Variants in LRBA observed in about 807,000 individuals in gnomAD.
LRBA encodes lipopolysaccharide-responsive and beige-like anchor protein.
LRBA carries 176 observed loss-of-function variants against 330.0 expected under a neutral mutation model. The observed-to-expected ratio is 0.53, with a 90% CI of 0.47 to 0.60. The LOEUF is 0.60. Ranked by LOEUF, LRBA falls within the 20% of genes least tolerant of loss-of-function variation. The pLI is 0.00. For missense variants in LRBA, 3,259 were observed against 3,444.8 expected (o/e 0.95, Z 1.35); for synonymous variants, 1,230 against 1,193.0 (o/e 1.03, Z -0.64).
chr4:150,966,546 T>C (rs1390773318), intron 2 of LRBA, among the ~76,000 whole-genome samples: 1 of 151,250 alleles, frequency 6.6e-6, no homozygotes, highest in Non-Finnish European at 1.5e-5. Context: ...CAGGATGATC[T>C]TGATCTCCCA....
Position 150,590,778 on chromosome 4 carries a change from A to G in LRBA, c.6128T>C (p.Ile2043Thr). Residue 2043 changes from isoleucine (I) to threonine (T), a missense_variant, in exon 39 of 57, where the codon ATC becomes ACC. Coordinates refer to ENST00000651943, the MANE Select transcript of LRBA (RefSeq NM_001364905.1). ...ALGNQNSENEILLEGDDDTLS... is the reference protein window; with the variant it reads ...ALGNQNSENETLLEGDDDTLS... Reference sequence around the variant, plus strand: ...AGTATCATCATCGCCTTCCAGGAGGATCTCGTTTTCTGAGTTCTGATTTCC... The same window carrying G: ...AGTATCATCATCGCCTTCCAGGAGGGTCTCGTTTTCTGAGTTCTGATTTCC... The G allele has an allele frequency of 6.2e-7, 1 of 1,613,858 alleles. No homozygotes were observed. The highest frequency in any genetic ancestry group is 8.5e-7 in the Non-Finnish European group (1 of 1,179,848).
intron 35 of LRBA, among the ~76,000 whole-genome samples, chr4:150,749,234 G>A (rs1454452470): frequency 4.6e-5 from 7 of 151,644 alleles, no homozygotes; most frequent in African/African-American, 7.3e-5. Flanking sequence ...TACCAAAAGC[G>A]CAGGCAATAA....
At chr4:150,559,663 AT>A (rs1381760280) in intron 40 of LRBA, among the ~76,000 whole-genome samples, 1 of 88,200 alleles carries the variant, frequency 1.1e-5, no homozygotes, top group Non-Finnish European at 2.0e-5. Flanking sequence ...TATAATTATA[AT>A]ATATATATTA....
chr4:150,754,874 C>A (rs899338675), intron 35 of LRBA, among the ~76,000 whole-genome samples: 2 of 152,174 alleles, frequency 1.3e-5, no homozygotes, highest in African/African-American at 4.8e-5. Flanking sequence ...TCAAGGATTT[C>A]CAAGTGATAA....
intron 2 of LRBA, among the ~76,000 whole-genome samples, chr4:150,994,641 A>G (rs1006779823): frequency 6.6e-6 from 1 of 152,190 alleles, no homozygotes; most frequent in Admixed American, 6.5e-5. Context: ...GAAGGATACT[A>G]TTTTGGTAGT....
At chr4:150,342,603 T>C (rs921686765) in intron 48 of LRBA, among the ~76,000 whole-genome samples, 3 of 152,218 alleles carry the variant, frequency 2.0e-5, no homozygotes, top group African/African-American at 7.2e-5. Context: ...CTGATTACTC[T>C]TCCTCCTCTT....
At chr4:150,920,420 G>T (rs1020102985) in intron 5 of LRBA, among the ~76,000 whole-genome samples, 1 of 152,064 alleles carries the variant, frequency 6.6e-6, no homozygotes. Flanking sequence ...GTGGTCGTGG[G>T]CACTTGTAAT....
chr4:150,819,114 TAACA>T (rs1745041367), intron 30 of LRBA, among the ~76,000 whole-genome samples: 1 of 151,348 alleles, frequency 6.6e-6, no homozygotes, highest in African/African-American at 2.4e-5. Flanking sequence ...AATGAAAAGG[TAACA>T]AACAACATGG....
At position 150,464,764 on chromosome 4, in the gene LRBA, C is replaced by G. The variant is rs374149337; in HGVS notation, c.6780+2909G>C. On this transcript the variant is annotated intron_variant, in intron 44 of 56. Transcript: ENST00000651943. ...CCTCCATGTGTCAGTCACAACCCAT[C>G]AGCAGGTTAACTTGGGAATGTTTAG... Among the ~76,000 whole-genome samples, 22 of 152,150 alleles carry G rather than the reference C, an allele frequency of 1.4e-4. No homozygotes were observed. The South Asian group carries it at 4.6e-3, about 32-fold the overall frequency.
intron 36 of LRBA, among the ~76,000 whole-genome samples, chr4:150,693,563 C>CAAAAA (rs70941428): frequency 0.54 from 28,521 of 52,410 alleles, 9,737 homozygotes; most frequent in Non-Finnish European, 0.74. Context: ...GACTCCGTCT[C>CAAAAA]AAAAAAAAAA....
At chr4:150,496,611 C>A (rs992914983) in intron 40 of LRBA, among the ~76,000 whole-genome samples, 1 of 151,980 alleles carries the variant, frequency 6.6e-6, no homozygotes, top group Admixed American at 6.6e-5. Context: ...AGAGCCTGCA[C>A]ATGTAACATC....
chr4:150,832,417 G>A (rs1747341465), intron 28 of LRBA, among the ~76,000 whole-genome samples: 1 of 152,114 alleles, frequency 6.6e-6, no homozygotes, highest in South Asian at 2.1e-4. Flanking sequence ...CCAACATAGT[G>A]AAACCCCATC....
At chr4:150,753,864 A>C (rs1041831042) in intron 35 of LRBA, among the ~76,000 whole-genome samples, 1 of 152,088 alleles carries the variant, frequency 6.6e-6, no homozygotes, top group Non-Finnish European at 1.5e-5. Flanking sequence ...GCAGGAGTTC[A>C]AGACCAGTCT....
At chr4:150,441,883 T>C (rs958715306) in intron 44 of LRBA, among the ~76,000 whole-genome samples, 1 of 152,116 alleles carries the variant, frequency 6.6e-6, no homozygotes, top group Non-Finnish European at 1.5e-5. Context: ...AACAGGTTGA[T>C]TTAAAGGCCA....
chr4:150,684,011 G>A (rs538841591), intron 36 of LRBA: 2 of 244,606 alleles, frequency 8.2e-6, no homozygotes, highest in Non-Finnish European at 1.6e-5. Context: ...ACGACAAACA[G>A]CATGAAGTGA....
chr4:150,381,123 C>T (rs1742202833), intron 47 of LRBA, among the ~76,000 whole-genome samples: 1 of 151,996 alleles, frequency 6.6e-6, no homozygotes, highest in Non-Finnish European at 1.5e-5. Context: ...TTCAAAACTA[C>T]TGAATTTTTT....
intron 47 of LRBA, among the ~76,000 whole-genome samples, chr4:150,393,472 C>G (rs570507980): frequency 6.6e-6 from 1 of 151,366 alleles, no homozygotes; most frequent in Non-Finnish European, 1.5e-5. Context: ...CCTCTTCCCT[C>G]CCTTTCCCTC....
At chr4:150,586,726 TCA>T in intron 40 of LRBA, among the ~76,000 whole-genome samples, 1 of 152,264 alleles carries the variant, frequency 6.6e-6, no homozygotes, top group Middle Eastern at 3.4e-3. Flanking sequence ...GAACCTAATC[TCA>T]CACATTGGCA....
chr4:150,828,923 GT>G (rs1213410990), intron 29 of LRBA, among the ~76,000 whole-genome samples: 2,328 of 97,864 alleles, frequency 0.024, 48 homozygotes, highest in African/African-American at 0.11. Flanking sequence ...TTTTTTGGGG[GT>G]GTGTGTGTGT....
Sources: gnomAD v4.1 joint callset for allele counts (sites outside exome capture counted in the v4.1 genomes callset) on GRCh38, gnomAD v4.1.1 for gene constraint, MANE v1.5 for transcripts, NCBI Gene and HGNC (gene_info 2026-07-23, HGNC 2026-07-21) for gene names.